CYP4F3: variants seen among roughly 807,000 people sequenced by gnomAD.
CYP4F3 encodes the protein cytochrome P450 family 4 subfamily F member 3.
Under a neutral mutation model 54.8 loss-of-function variants are expected in CYP4F3, and 50 were observed. That is an observed-to-expected ratio of 0.91 (90% CI 0.73 to 1.16). The LOEUF (loss-of-function observed/expected upper bound fraction) is 1.16, where lower values mean the gene tolerates loss of function less well. CYP4F3 is among the 50% of genes most tolerant of loss of function. The pLI is 0.00. For missense variants in CYP4F3, 715 were observed against 676.2 expected (o/e 1.06, Z -0.64); for synonymous variants, 244 against 262.6 (o/e 0.93, Z 0.69).
chr19:15,644,542 G>T (rs1189632982), intron 2 of CYP4F3, among the ~76,000 whole-genome samples: 3 of 152,228 alleles, frequency 2.0e-5, no homozygotes, highest in African/African-American at 7.2e-5. Flanking sequence ...AGTGTTCAAG[G>T]CCCCTTGCCA....
chr19:15,657,946 G>A (rs1463839165), intron 9 of CYP4F3, among the ~76,000 whole-genome samples: 1 of 152,036 alleles, frequency 6.6e-6, no homozygotes, highest in Non-Finnish European at 1.5e-5. Flanking sequence ...CGTTAAGTAG[G>A]TCCACATTTT....
rs1362126416 is a variant in CYP4F3 at position 15,660,891 on chromosome 19, A to AT, written c.*1511dup. ...ACCACCACATCCAGCTAATTGTTGT[A>AT]TTTTTAATAGAGGCGGGGTTTCGCC... is the stretch of plus-strand genomic sequence containing the variant. On this transcript the variant is annotated 3_prime_UTR_variant, in exon 13 of 13. Coordinates refer to ENST00000221307, the MANE Select transcript of CYP4F3 (RefSeq NM_000896.3). The AT allele has an allele frequency of 6.6e-6, 1 of 151,832 alleles. No homozygotes were observed. Among genetic ancestry groups the AT allele is most frequent in the African/African-American group, 2.4e-5 (1 of 41,306 alleles). 9.4% of individuals were successfully genotyped at this position (151,832 alleles called of 1,614,324 possible).
intron 9 of CYP4F3, among the ~76,000 whole-genome samples, chr19:15,657,785 A>T (rs1473028188): frequency 1.3e-5 from 2 of 152,178 alleles, no homozygotes; most frequent in Non-Finnish European, 2.9e-5. Flanking sequence ...TTTTTATGGA[A>T]CTGGTATTCT....
Position 15,650,808 on chromosome 19 carries a change from C to CTCTTT in CYP4F3, c.918+626_918+630dup, listed in dbSNP as rs1972814793. Among the ~76,000 whole-genome samples the CTCTTT allele has an allele frequency of 3.1e-4, 4 of 12,926 alleles. 1 individual carries two copies. The highest frequency in any genetic ancestry group is 2.4e-4 in the Non-Finnish European group (2 of 8,392). The allele number at this position is 12,926 out of a possible 152,430, so 8.5% of individuals were successfully genotyped here. A position where few individuals can be genotyped will look rare whatever the true frequency, so the allele number is the denominator to read the frequency against. Reference sequence around the variant, plus strand: ...CTTTCTTTCTTTCTTTCTCTCTCTTCTCTTTCTTTCTTTCTTTCTTTCTTT... The same window carrying CTCTTT: ...CTTTCTTTCTTTCTTTCTCTCTCTTCTCTTTTCTTTCTTTCTTTCTTTCTTTCTTT... On this transcript the variant is annotated intron_variant, in intron 7 of 12. Coordinates refer to ENST00000221307, the MANE Select transcript of CYP4F3 (RefSeq NM_000896.3).
intron 12 of CYP4F3, 136 bp downstream of exon 12, chr19:15,658,945 GA>G: frequency 6.8e-6 from 9 of 1,320,514 alleles, no homozygotes; most frequent in African/African-American, 3.0e-5. Flanking sequence ...GAGTTTATGG[GA>G]AAAGGCCCAC....
intron 9 of CYP4F3, among the ~76,000 whole-genome samples, chr19:15,654,998 G>T (rs1915379): frequency 6.6e-6 from 1 of 151,998 alleles, no homozygotes; most frequent in Non-Finnish European, 1.5e-5. Context: ...AACAGTGTGT[G>T]TGAGTTCCCC....
chr19:15,652,590 T>A lies in CYP4F3; in HGVS notation c.940T>A (p.Ser314Thr). 1 of 1,614,048 alleles carries A rather than the reference T, an allele frequency of 6.2e-7. No homozygotes were observed. Among genetic ancestry groups the A allele is most frequent in the South Asian group, 1.1e-5 (1 of 91,082 alleles). ...CCAGGATGAAGATGGGAAGAAGTTGTCCGATGAGGACATAAGAGCAGAAGC... is the reference window on the plus strand; with the variant it reads ...CCAGGATGAAGATGGGAAGAAGTTGACCGATGAGGACATAAGAGCAGAAGC... ...LSKDEDGKKLSDEDIRAEADT... is the reference protein window; with the variant it reads ...LSKDEDGKKLTDEDIRAEADT... The change falls in exon 8 of 13, where the codon TCC becomes ACC. Residue 314 changes from serine to threonine, a missense_variant. Coordinates refer to ENST00000221307, the MANE Select transcript of CYP4F3 (RefSeq NM_000896.3).
rs984108258 is a variant in CYP4F3, at chr19:15,645,769, C to A, written c.249C>A (p.Thr83=). 2.7e-5 allele frequency: 44 copies of A among 1,614,014 alleles called. No individual in the cohort carries two copies. The highest frequency in any genetic ancestry group is 3.6e-5 in the Non-Finnish European group (42 of 1,179,976). The part of the protein sequence containing the change: ...GLLYTQSLAC[T]FGDMCCWWVG... Reference sequence around the variant, plus strand: ...TATACACACAAAGCCTGGCATGCACCTTCGGTGATATGTGCTGCTGGTGGG... The same window carrying A: ...TATACACACAAAGCCTGGCATGCACATTCGGTGATATGTGCTGCTGGTGGG... Residue 83 remains threonine (T), a synonymous_variant, in exon 3 of 13, where the codon ACC becomes ACA. Transcript: ENST00000221307.
chr19:15,662,194 C>A lies in CYP4F3; in HGVS notation c.*2809C>A, dbSNP rs187479000. Reference sequence around the variant, plus strand: ...GCTGAGGCAGGAGAATCGCTTGAACCCAGGAGTCAGAGGTTTCAGTGAGCC... The same window carrying A: ...GCTGAGGCAGGAGAATCGCTTGAACACAGGAGTCAGAGGTTTCAGTGAGCC... On this transcript the variant is annotated 3_prime_UTR_variant, in exon 13 of 13. Coordinates refer to ENST00000221307, the MANE Select transcript of CYP4F3 (RefSeq NM_000896.3). 6.9e-6 allele frequency: 1 copy of A among 144,154 alleles called. No homozygotes were observed. The highest frequency in any genetic ancestry group is 7.4e-5 in the Admixed American group (1 of 13,590). The allele number at this position is 144,154 out of a possible 1,614,324, so 8.9% of individuals were successfully genotyped here.
In CYP4F3 at chr19:15,650,130, G is replaced by C. The variant is rs1297599270; in HGVS notation, c.865G>C (p.Ala289Pro). The change falls in exon 7 of 13, where the codon GCC (alanine) becomes CCC (proline). Residue 289 changes from alanine (A) to proline (P), a missense_variant. Transcript: ENST00000221307. ...CCAGGGTGTTGATGACTTCCTCCAA[G>C]CCAAGGCCAAATCCAAGACTTTGGA... ...PSQGVDDFLQ[A>P]KAKSKTLDFI... is the part of the protein sequence containing the mutation. 1 of 1,614,176 alleles carries C rather than the reference G, an allele frequency of 6.2e-7. No homozygotes were observed. The highest frequency in any genetic ancestry group is 2.2e-5 in the East Asian group (1 of 44,884).
chr19:15,643,977 T>C, intron 2 of CYP4F3: 1 of 1,606,868 alleles, frequency 6.2e-7, no homozygotes, highest in African/African-American at 1.3e-5. Context: ...GGCTTTAAGG[T>C]CTGGATGGGC....
At chr19:15,651,489 T>G (rs1443973493) in intron 7 of CYP4F3, among the ~76,000 whole-genome samples, 1 of 139,242 alleles carries the variant, frequency 7.2e-6, no homozygotes, top group African/African-American at 2.6e-5. Context: ...TGCCTCAGCC[T>G]CCCAACTAGC....
chr19:15,645,092 T>C (rs1009879631), intron 2 of CYP4F3, among the ~76,000 whole-genome samples: 14 of 152,226 alleles, frequency 9.2e-5, no homozygotes, highest in African/African-American at 3.1e-4. Flanking sequence ...TTTCTTGGCT[T>C]TAGCTTTTTC....
At chr19:15,657,301 A>G (rs898589824) in intron 9 of CYP4F3, among the ~76,000 whole-genome samples, 4 of 152,124 alleles carry the variant, frequency 2.6e-5, no homozygotes, top group African/African-American at 7.2e-5. Flanking sequence ...TGCACTGTAT[A>G]ATCATTATTT....
chr19:15,648,085 T>TATGGGGAGAAGGGAAGAA (rs1972684138), intron 5 of CYP4F3, among the ~76,000 whole-genome samples: 2 of 152,104 alleles, frequency 1.3e-5, no homozygotes, highest in South Asian at 4.2e-4. Context: ...AGGGTGTGGA[T>TATGGGGAGAAGGGAAGAA]ATGGGGAGAA....
In CYP4F3 at chr19:15,650,741, CCTTCCTTCCA is replaced by C. The variant is rs1972800126; in HGVS notation, c.918+559_918+568del. 5.8e-5 allele frequency among the ~76,000 whole-genome samples: 3 copies of C among 51,376 alleles called. 1 individual carries two copies. Among genetic ancestry groups the C allele is most frequent in the African/African-American group, 3.2e-4 (3 of 9,478 alleles). 33.7% of individuals were successfully genotyped at this position (51,376 alleles called of 152,430 possible). On this transcript the variant is annotated intron_variant, in intron 7 of 12. Transcript: ENST00000221307. ...CTTTCTTTCTTTCTTTCTTTCTTTTCCTTCCTTCCATCTTTCTTTCTTTCTTTTTCTTTCG... is the reference window on the plus strand; with the variant it reads ...CTTTCTTTCTTTCTTTCTTTCTTTTCTCTTTCTTTCTTTCTTTTTCTTTCG...
intron 2 of CYP4F3, among the ~76,000 whole-genome samples, chr19:15,645,493 G>A (rs1400752763): frequency 6.6e-6 from 1 of 152,194 alleles, no homozygotes; most frequent in Non-Finnish European, 1.5e-5. Context: ...AGGGAACATG[G>A]TGTGTGGATC....
chr19:15,642,501 G>A (rs1972493663), intron 2 of CYP4F3, among the ~76,000 whole-genome samples: 1 of 152,190 alleles, frequency 6.6e-6, no homozygotes, highest in Non-Finnish European at 1.5e-5. Flanking sequence ...GGGATGTGGG[G>A]ACCAGCCTTA....
intron 9 of CYP4F3, among the ~76,000 whole-genome samples, chr19:15,655,019 T>A (rs1003725130): frequency 1.1e-4 from 16 of 152,302 alleles, no homozygotes; most frequent in African/African-American, 4.8e-5. Context: ...TTTCTCCATA[T>A]CCTCACCAGC....
Sources: allele counts gnomAD v4.1 joint callset (sites outside exome capture counted in the v4.1 genomes callset), GRCh38; gene constraint gnomAD v4.1.1; transcripts MANE v1.5; gene names NCBI Gene and HGNC (gene_info 2026-07-23, HGNC 2026-07-21).